The following RYR2 variants were observed in gnomAD, a reference collection of about 807,000 sequenced individuals.
The protein encoded by RYR2 is ryanodine receptor 2.
A neutral mutation model predicts 601.1 loss-of-function variants in RYR2; 227 were observed. The observed-to-expected ratio is 0.38, with a 90% confidence interval of 0.34 to 0.42. The LOEUF (loss-of-function observed/expected upper bound fraction) is 0.42, where lower values mean the gene tolerates loss of function less well. RYR2 is among the 10% of genes least tolerant of loss of function. RYR2 has a pLI of 1.00. For synonymous variants in RYR2, 2,223 were observed against 2,175.1 expected (o/e 1.02, Z -0.61); for missense variants, 4,646 against 6,156.5 (o/e 0.75, Z 8.21).
At position 237,806,334 on chromosome 1, in the gene RYR2, T is replaced by C; in HGVS notation, c.14298+51T>C. The stretch of plus-strand genomic sequence containing the variant: ...TTGCAGAAAATAAAAAAGCAACAAA[T>C]AAAACAAAGAAAAATAAAACTACCC... On this transcript the variant is annotated intron_variant, in intron 99 of 104. Coordinates refer to ENST00000366574, the MANE Select transcript of RYR2 (RefSeq NM_001035.3). 3.2e-6 allele frequency: 5 copies of C among 1,538,618 alleles called. No homozygotes were observed. The South Asian group carries it at 6.0e-5, about 18-fold the overall frequency.
intron 101 of RYR2, among the ~76,000 whole-genome samples, chr1:237,827,646 A>T (rs1663267870): frequency 7.2e-6 from 1 of 139,060 alleles, no homozygotes; most frequent in African/African-American, 2.6e-5. Flanking sequence ...AAAAAAAAAA[A>T]AAAATGACTT....
chr1:237,701,978 T>G lies in RYR2; in HGVS notation c.9368T>G (p.Leu3123Trp). 1 of 1,581,556 alleles carries G rather than the reference T, an allele frequency of 6.3e-7. No individual in the cohort carries two copies. Among genetic ancestry groups the G allele is most frequent in the East Asian group, 2.2e-5 (1 of 44,642 alleles). Residue 3123 changes from leucine to tryptophan, a missense_variant and splice_region_variant, in exon 66 of 105, where the codon TTG (leucine) becomes TGG (tryptophan). Around this residue, in one of 17 missense-constraint regions of RYR2, gnomAD observed 1,497 missense variants for 1,842.6 expected, o/e 0.81. Coordinates refer to ENST00000366574, the MANE Select transcript of RYR2 (RefSeq NM_001035.3). ...GQHQFGEDLI[L>W]EDVQVSCYRI... ...CAAGTGAGATTCTCTTTTTCCTTAG[T>G]GGAAGATGTCCAGGTGTCTTGTTAT...
chr1:237,199,626 C>A (rs2149039543), intron 1 of RYR2, among the ~76,000 whole-genome samples: 1 of 152,312 alleles, frequency 6.6e-6, no homozygotes, highest in Admixed American at 6.5e-5. Context: ...TCTTTGCCAG[C>A]ACCCTCATAG....
intron 80 of RYR2, among the ~76,000 whole-genome samples, chr1:237,749,580 C>T (rs1459369174): frequency 6.6e-6 from 1 of 151,990 alleles, no homozygotes; most frequent in African/African-American, 2.4e-5. Context: ...TGTGTGACCT[C>T]AACCTCTCTG....
At chr1:237,430,443 AAG>A (rs1331558717) in intron 12 of RYR2, among the ~76,000 whole-genome samples, 1 of 152,078 alleles carries the variant, frequency 6.6e-6, no homozygotes, top group African/African-American at 2.4e-5. Context: ...TGTAATTAAA[AAG>A]AAATCTTCAT....
intron 1 of RYR2, among the ~76,000 whole-genome samples, chr1:237,105,852 A>T (rs1558241983): frequency 6.6e-6 from 1 of 151,956 alleles, no homozygotes; most frequent in African/African-American, 2.4e-5. Context: ...AAAAAAAAAA[A>T]AAAAAATCCA....
At chr1:237,093,005 C>T (rs1316777350) in intron 1 of RYR2, among the ~76,000 whole-genome samples, 1 of 152,106 alleles carries the variant, frequency 6.6e-6, no homozygotes, top group Non-Finnish European at 1.5e-5. Flanking sequence ...CAGTGCTGTC[C>T]CGTAGAACTC....
intron 6 of RYR2, 30 bp from the exon 7 acceptor site, chr1:237,374,687 A>C (rs1378246525): frequency 1.3e-6 from 2 of 1,566,132 alleles, no homozygotes; most frequent in Admixed American, 1.7e-5. Flanking sequence ...CAAAACCTCT[A>C]CTTACAACTA....
At chr1:237,561,334 G>A (rs1671436043) in intron 27 of RYR2, among the ~76,000 whole-genome samples, 1 of 152,194 alleles carries the variant, frequency 6.6e-6, no homozygotes, top group Non-Finnish European at 1.5e-5. Flanking sequence ...TAGTAGGGAT[G>A]CAAGTGATCT....
At chr1:237,282,405 A>AT (rs987096731) in intron 2 of RYR2, among the ~76,000 whole-genome samples, 9 of 151,704 alleles carry the variant, frequency 5.9e-5, no homozygotes, top group African/African-American at 1.5e-4. Context: ...TTTTCTTGCA[A>AT]TTTTTTTTCA....
chr1:237,631,572 A>G lies in RYR2; in HGVS notation c.6555+31A>G, dbSNP rs373662517. The G allele has an allele frequency of 6.9e-6, 7 of 1,017,288 alleles. No homozygotes were observed. In the East Asian group the frequency reaches 1.2e-4, roughly 18 times the overall value. The allele number at this position is 1,017,288 out of a possible 1,614,324, so 63.0% of individuals were successfully genotyped here. A position where few individuals can be genotyped will look rare whatever the true frequency, so the allele number is the denominator to read the frequency against. On this transcript the variant is annotated intron_variant, in intron 42 of 104. Transcript: ENST00000366574. Reference sequence around the variant, plus strand: ...GTCTTTGATTCCTGAGATGCTATTTAGTATCATCTCCTGGAGTATATAGAT... The same window carrying G: ...GTCTTTGATTCCTGAGATGCTATTTGGTATCATCTCCTGGAGTATATAGAT...
intron 27 of RYR2, among the ~76,000 whole-genome samples, chr1:237,556,787 T>C (rs113050511): frequency 0.026 from 3,846 of 147,758 alleles, 73 homozygotes; most frequent in South Asian, 0.053. Context: ...ACACAGGGGG[T>C]TTAAATCAGC....
intron 79 of RYR2, among the ~76,000 whole-genome samples, chr1:237,737,171 G>A (rs1181099791): frequency 1.3e-5 from 2 of 152,154 alleles, no homozygotes; most frequent in Admixed American, 1.3e-4. Context: ...CCTCCATATT[G>A]ATTTTGTTGG....
chr1:237,148,521 A>ATT lies in RYR2; in HGVS notation c.48+105952_48+105953insTT, dbSNP rs1417305977. On this transcript the variant is annotated intron_variant, in intron 1 of 104. Transcript: ENST00000366574. ...TGTATCCCAGAACTTCAAGTAAAAA[A>ATT]AAAAAAATATATATATATATATATA... Among the ~76,000 whole-genome samples, 131 of 44,006 alleles carry ATT rather than the reference A, an allele frequency of 3.0e-3. 2 individuals are homozygous for ATT. The highest frequency in any genetic ancestry group is 9.1e-3 in the African/African-American group (127 of 14,024). 28.9% of individuals were successfully genotyped at this position (44,006 alleles called of 152,430 possible).
intron 100 of RYR2, among the ~76,000 whole-genome samples, chr1:237,811,536 TA>T (rs199565020): frequency 0.016 from 2,431 of 152,104 alleles, 68 homozygotes; most frequent in African/African-American, 0.056. Flanking sequence ...TTCTTTTTAA[TA>T]AAAAAAATCT....
chr1:237,355,899 A>G (rs78625295), intron 3 of RYR2, 66 bp from the exon 4 acceptor site: 4 of 1,357,244 alleles, frequency 2.9e-6, no homozygotes, highest in Middle Eastern at 4.6e-4. Flanking sequence ...CATTTAAATG[A>G]CAGTAATTGA....
intron 1 of RYR2, among the ~76,000 whole-genome samples, chr1:237,111,878 G>A (rs1464434881): frequency 1.3e-5 from 2 of 152,134 alleles, no homozygotes; most frequent in African/African-American, 4.8e-5. Flanking sequence ...CTGAGCTAGA[G>A]AACTGGCAGA....
chr1:237,351,773 T>C (rs1309513030), intron 3 of RYR2, among the ~76,000 whole-genome samples: 3 of 144,984 alleles, frequency 2.1e-5, no homozygotes, highest in African/African-American at 5.1e-5. Flanking sequence ...ATAATACCAA[T>C]CTTAAACTCT....
At chr1:237,533,202 A>G (rs949946495) in intron 25 of RYR2, among the ~76,000 whole-genome samples, 2 of 152,202 alleles carry the variant, frequency 1.3e-5, no homozygotes, top group African/African-American at 4.8e-5. Flanking sequence ...CTGACAGTCT[A>G]TATACTGTCT....
Sources: allele counts gnomAD v4.1 joint callset (sites outside exome capture counted in the v4.1 genomes callset), GRCh38; gene constraint gnomAD v4.1.1; regional missense constraint gnomAD v4.1.1; transcripts MANE v1.5; gene names NCBI Gene and HGNC (gene_info 2026-07-23, HGNC 2026-07-21).